The following TRPM2 variants were observed in gnomAD, a reference collection of about 807,000 sequenced individuals.
The protein encoded by TRPM2 is transient receptor potential cation channel subfamily M member 2.
TRPM2 carries 161 observed loss-of-function variants against 174.0 expected under a neutral mutation model. The ratio of observed to expected loss-of-function variants is 0.93; its 90% CI spans 0.81 to 1.05. TRPM2 has a LOEUF of 1.05. Ranked by LOEUF, TRPM2 falls within the 50% of genes least tolerant of loss-of-function variation. The pLI is 0.00. For synonymous variants in TRPM2, 954 were observed against 861.3 expected, an observed-to-expected ratio of 1.11 and a Z score of -1.88; for missense variants, 2,057 against 2,038.0, an observed-to-expected ratio of 1.01 and a Z score of -0.18.
chr21:44,433,180 G>A (rs765276187), intron 27 of TRPM2, among the ~76,000 whole-genome samples: 1 of 152,208 alleles, frequency 6.6e-6, no homozygotes, highest in Non-Finnish European at 1.5e-5. Context: ...GGAGCTGGCA[G>A]GCCCCTAACC....
chr21:44,426,794 G>C, intron 26 of TRPM2, 58 bp downstream of exon 26: 1 of 1,594,508 alleles, frequency 6.3e-7, no homozygotes, highest in Non-Finnish European at 8.6e-7. Flanking sequence ...GCCTCCTAGG[G>C]GCTCCCTTGA....
chr21:44,373,621 TGCATTATATGCGACCC>T lies in TRPM2; in HGVS notation c.772-2210_772-2195del, dbSNP rs1354754363. On this transcript the variant is annotated intron_variant, in intron 5 of 31. Coordinates refer to ENST00000397928, the MANE Select transcript of TRPM2 (RefSeq NM_003307.4). ...TATGCGACCTGCATTATATGCGACC[TGCATTATATGCGACCC>T]GGATAGGCTGAGAATTTCCCACATC... Among the ~76,000 whole-genome samples, 762 of 140,378 alleles carry T rather than the reference TGCATTATATGCGACCC, an allele frequency of 5.4e-3. 13 individuals carry two copies. The highest frequency in any genetic ancestry group is 0.021 in the African/African-American group (689 of 33,400). 92.1% of individuals were successfully genotyped at this position (140,378 alleles called of 152,430 possible). A position where few individuals can be genotyped will look rare whatever the true frequency, so the allele number is the denominator to read the frequency against.
intron 2 of TRPM2, among the ~76,000 whole-genome samples, chr21:44,358,803 C>CG (rs1288589687): frequency 6.6e-6 from 1 of 152,132 alleles, no homozygotes; most frequent in East Asian, 1.9e-4. Context: ...GGTTCCTTCC[C>CG]GGGGGTCTTG....
Position 44,390,962 on chromosome 21 carries a change from AGTGGC to A in TRPM2, c.1378_1382del (p.Val460MetfsTer10). On this transcript the variant is annotated frameshift_variant, in exon 10 of 32. Transcript: ENST00000397928. LOFTEE classifies it high-confidence loss of function. ...ACTGGGACCACCAGCTGAAACTGGCAGTGGCATGGAATCGCGTGGACATTGCCCGC... is the reference window on the plus strand; with the variant it reads ...ACTGGGACCACCAGCTGAAACTGGCAATGGAATCGCGTGGACATTGCCCGC... 1 of 1,614,158 alleles carries A rather than the reference AGTGGC, an allele frequency of 6.2e-7. No individual in the cohort carries two copies. The highest frequency in any genetic ancestry group is 8.5e-7 in the Non-Finnish European group (1 of 1,180,042).
At chr21:44,418,875 G>A (rs1049957749) in intron 22 of TRPM2, among the ~76,000 whole-genome samples, 6 of 152,244 alleles carry the variant, frequency 3.9e-5, no homozygotes, top group South Asian at 2.1e-4. Flanking sequence ...ATGTGCACAC[G>A]GGGTCCAGGC....
intron 19 of TRPM2, among the ~76,000 whole-genome samples, chr21:44,409,875 A>C (rs62218773): frequency 0.71 from 97,753 of 137,624 alleles, 33,903 homozygotes; most frequent in East Asian, 0.77. Context: ...CTTGGCGTAG[A>C]CTTGTAGTAA....
chr21:44,366,385 G>C lies in TRPM2; in HGVS notation c.424-369G>C, dbSNP rs190467963. Among the ~76,000 whole-genome samples, 1 of 150,412 alleles carries C rather than the reference G, an allele frequency of 6.6e-6. No individual in the cohort carries two copies. Among genetic ancestry groups the C allele is most frequent in the Non-Finnish European group, 1.5e-5 (1 of 68,004 alleles). The stretch of plus-strand genomic sequence containing the variant: ...CCCGGTGCAGGAGCTGATTAGACCC[G>C]GGGGAGGCAGGGCCCAGGCGCTACG... On this transcript the variant is annotated intron_variant, in intron 3 of 31. Coordinates refer to ENST00000397928, the MANE Select transcript of TRPM2 (RefSeq NM_003307.4). This position sits in a 1 kb window ranked among gnomAD's most constrained non-coding sequence, Gnocchi z 6.0.
At position 44,366,450 on chromosome 21, in the gene TRPM2, G is replaced by A. The variant is rs149984955; in HGVS notation, c.424-304G>A. Among the ~76,000 whole-genome samples, 563 of 152,178 alleles carry A rather than the reference G, an allele frequency of 3.7e-3. 3 individuals carry two copies. The highest frequency in any genetic ancestry group is 0.013 in the African/African-American group (542 of 41,536). ...CTGTGCTGGCGCATGTTTGGGAGGC[G>A]CTCCCAAAATCGAGAGGAAGAGGAA... On this transcript the variant is annotated intron_variant, in intron 3 of 31. Coordinates refer to ENST00000397928, the MANE Select transcript of TRPM2 (RefSeq NM_003307.4). The surrounding 1 kb of genome is among the most constrained non-coding windows in gnomAD (Gnocchi z 6.0).
intron 2 of TRPM2, among the ~76,000 whole-genome samples, chr21:44,358,455 CG>C (rs1168336000): frequency 1.3e-5 from 2 of 152,188 alleles, no homozygotes; most frequent in Admixed American, 1.3e-4. Context: ...CGTGGGGTGC[CG>C]GGGGTGGTGT....
At chr21:44,410,052 A>G (rs2050047354) in intron 19 of TRPM2, among the ~76,000 whole-genome samples, 1 of 149,618 alleles carries the variant, frequency 6.7e-6, no homozygotes, top group Non-Finnish European at 1.5e-5. Context: ...GTAAGTTTTG[A>G]TCGCGCTGTC....
chr21:44,369,070 G>GT, intron 4 of TRPM2, 107 bp from the exon 5 acceptor site: 1 of 1,235,664 alleles, frequency 8.1e-7, no homozygotes, highest in Non-Finnish European at 1.1e-6. Context: ...GCTCTGCGTT[G>GT]TTGGGGGCGG....
chr21:44,403,517 CAT>C (rs1468870339), intron 16 of TRPM2, among the ~76,000 whole-genome samples: 1 of 151,126 alleles, frequency 6.6e-6, no homozygotes, highest in Non-Finnish European at 1.5e-5. Context: ...CACATGTACA[CAT>C]GCACACAAAT....
In TRPM2 at chr21:44,399,529, C is replaced by G. The variant is rs2049543356; in HGVS notation, c.2208+88C>G. On this transcript the variant is annotated intron_variant, in intron 14 of 31. Coordinates refer to ENST00000397928, the MANE Select transcript of TRPM2 (RefSeq NM_003307.4). The surrounding 1 kb of genome is among the most constrained non-coding windows in gnomAD (Gnocchi z 4.6). The stretch of plus-strand genomic sequence containing the variant: ...CTCCTGTTCGTGCAGTTGGCACGCA[C>G]ACTCACACAGGCTTCAGGGCCCTCA... The G allele has an allele frequency of 6.6e-7, 1 of 1,504,946 alleles. No individual in the cohort carries two copies. Among genetic ancestry groups the G allele is most frequent in the Non-Finnish European group, 8.9e-7 (1 of 1,125,018 alleles). 93.2% of individuals were successfully genotyped at this position (1,504,946 alleles called of 1,614,324 possible).
intron 24 of TRPM2, chr21:44,425,267 C>T (rs1424368369): frequency 7.5e-6 from 3 of 398,528 alleles, no homozygotes; most frequent in East Asian, 7.9e-5. Context: ...AACCTGGTCA[C>T]GTAGGCTGAG....
intron 8 of TRPM2, among the ~76,000 whole-genome samples, chr21:44,381,879 C>T (rs1190671584): frequency 1.3e-5 from 2 of 149,662 alleles, no homozygotes; most frequent in Non-Finnish European, 2.9e-5. Context: ...TGCACTCCAG[C>T]CTGGGTGGCA....
At chr21:44,405,838 G>C in intron 17 of TRPM2, 67 bp from the exon 18 acceptor site, 2 of 1,560,764 alleles carry the variant, frequency 1.3e-6, no homozygotes, top group Non-Finnish European at 1.7e-6. Context: ...GAGGGGCGAC[G>C]GGGGACAGCT....
intron 9 of TRPM2, among the ~76,000 whole-genome samples, chr21:44,390,482 CA>C (rs1484531003): frequency 6.6e-5 from 10 of 152,162 alleles, no homozygotes; most frequent in Non-Finnish European, 1.5e-4. Context: ...TACTGTTGAA[CA>C]TTTACAGGCA....
chr21:44,353,521 T>G (rs45542934), upstream of TRPM2: 3,700 of 787,314 alleles, frequency 4.7e-3, 67 homozygotes, highest in African/African-American at 0.034. Flanking sequence ...GAGAACCGGA[T>G]GAGGGCTTCA....
At position 44,356,611 on chromosome 21, in the gene TRPM2, A is replaced by C. The variant is rs148040912; in HGVS notation, c.254+1875A>C. Among the ~76,000 whole-genome samples the C allele has an allele frequency of 4.0e-3, 597 of 149,762 alleles. 4 individuals carry two copies. Among genetic ancestry groups the C allele is most frequent in the African/African-American group, 0.014 (578 of 40,464 alleles). On this transcript the variant is annotated intron_variant, in intron 2 of 31. Transcript: ENST00000397928. ...CAATGGCATGATCTTGGCTCGCTGC[A>C]ACCTTCGTCTCCCAGGTTCATGCGA...
Sources: gnomAD v4.1 joint callset for allele counts (sites outside exome capture counted in the v4.1 genomes callset) on GRCh38, gnomAD v4.1.1 for gene constraint, Gnocchi (gnomAD v3.1) non-coding constraint, MANE v1.5 for transcripts, NCBI Gene and HGNC (gene_info 2026-07-23, HGNC 2026-07-21) for gene names.